FHOD3: variants seen among roughly 807,000 people sequenced by gnomAD.
FHOD3 encodes the protein FH1/FH2 domain-containing protein 3.
A neutral mutation model predicts 173.0 loss-of-function variants in FHOD3; 90 were observed. The observed-to-expected ratio is 0.52, with a 90% CI of 0.44 to 0.62. The LOEUF is 0.62. FHOD3 is among the 20% of genes least tolerant of loss of function. The pLI is 0.00. For synonymous variants in FHOD3, 828 were observed against 823.0 expected, an observed-to-expected ratio of 1.01 and a Z score of -0.10; for missense variants, 1,945 against 2,034.7, an observed-to-expected ratio of 0.96 and a Z score of 0.85.
In FHOD3 at chr18:36,681,567, T is replaced by C. The variant is rs1346043653; in HGVS notation, c.1967T>C (p.Phe656Ser). The C allele has an allele frequency of 3.7e-6, 6 of 1,612,576 alleles. No homozygotes were observed. The East Asian group carries it at 1.1e-4, about 30-fold the overall frequency. The part of the protein sequence containing the change: ...QRIEREERNK[F>S]SRDYLDKREE... The stretch of plus-strand genomic sequence containing the variant: ...ATAGAGCGGGAAGAAAGAAACAAAT[T>C]CAGGTAAGAAGGATCTTAAGATTTT... The change falls in exon 15 of 29, where the codon TTC becomes TCC. Residue 656 changes from phenylalanine (F) to serine (S), a missense_variant. Transcript: ENST00000590592.
chr18:36,620,337 C>G (rs1203935241), intron 9 of FHOD3, among the ~76,000 whole-genome samples: 1 of 152,160 alleles, frequency 6.6e-6, no homozygotes, highest in African/African-American at 2.4e-5. Flanking sequence ...TTCCTATTCT[C>G]AAGTTATCAA....
At chr18:36,727,441 G>A (rs1198679595) in intron 19 of FHOD3, among the ~76,000 whole-genome samples, 5 of 152,160 alleles carry the variant, frequency 3.3e-5, no homozygotes, top group Non-Finnish European at 7.3e-5. Flanking sequence ...TCTGGTGGAG[G>A]TTTATTTTGA....
At chr18:36,713,119 C>T (rs924773492) in intron 18 of FHOD3, among the ~76,000 whole-genome samples, 4 of 152,098 alleles carry the variant, frequency 2.6e-5, no homozygotes, top group South Asian at 2.1e-4. Context: ...GAATTACTAC[C>T]GGAGGTTCTC....
intron 3 of FHOD3, among the ~76,000 whole-genome samples, chr18:36,382,175 A>G (rs1222667981): frequency 6.6e-6 from 1 of 152,182 alleles, no homozygotes; most frequent in African/African-American, 2.4e-5. Context: ...TGTGCTTCAC[A>G]TCTTTTGGGG....
Position 36,718,275 on chromosome 18 carries a change from C to T in FHOD3, c.2977C>T (p.Gln993Ter). 1 of 1,614,116 alleles carries T rather than the reference C, an allele frequency of 6.2e-7. No individual in the cohort carries two copies. Among genetic ancestry groups the T allele is most frequent in the Non-Finnish European group, 8.5e-7 (1 of 1,180,016 alleles). Reference sequence around the variant, plus strand: ...GGCCAATCCAAGAGAGCTCAGAATCCAAGACATGGATTTCACTGACCTGGG... The same window carrying T: ...GGCCAATCCAAGAGAGCTCAGAATCTAAGACATGGATTTCACTGACCTGGG... ...LMANPRELRI[Q>*]DMDFTDLGEE... The change falls in exon 19 of 29, where the codon CAA (glutamine) becomes TAA (stop). Residue 993 changes from glutamine (Q) to a stop codon, truncating the protein, a stop_gained. Transcript: ENST00000590592. LOFTEE classifies it high-confidence loss of function.
intron 25 of FHOD3, among the ~76,000 whole-genome samples, chr18:36,758,122 C>T (rs529936530): frequency 6.6e-6 from 1 of 152,272 alleles, no homozygotes; most frequent in East Asian, 1.9e-4. Context: ...TATAAATAAA[C>T]TGTAAGAATT....
intron 3 of FHOD3, among the ~76,000 whole-genome samples, chr18:36,461,439 CTG>C (rs200220399): frequency 1.5e-4 from 22 of 147,374 alleles, no homozygotes; most frequent in African/African-American, 5.8e-4. Flanking sequence ...TGAGCTCAGT[CTG>C]TTTTTTTTTG....
intron 1 of FHOD3, among the ~76,000 whole-genome samples, chr18:36,298,335 C>A (rs1228491083): frequency 1.3e-5 from 2 of 152,150 alleles, no homozygotes; most frequent in African/African-American, 2.4e-5. Flanking sequence ...GGCTAGGACG[C>A]GGGCAGTCGG....
rs114316109 is a variant in FHOD3 at position 36,429,053 on chromosome 18, C to G, written c.337+56309C>G. On this transcript the variant is annotated intron_variant, in intron 3 of 28. Coordinates refer to ENST00000590592, the MANE Select transcript of FHOD3 (RefSeq NM_001281740.3). ...TAAAGATAGAGGTACCCTCTACTGCCTCATGAAGCTTTGGTCTAGGGAGTG... is the reference window on the plus strand; with the variant it reads ...TAAAGATAGAGGTACCCTCTACTGCGTCATGAAGCTTTGGTCTAGGGAGTG... Among the ~76,000 whole-genome samples the G allele has an allele frequency of 7.3e-3, 1,110 of 152,294 alleles. 15 individuals are homozygous for G. The highest frequency in any genetic ancestry group is 0.026 in the African/African-American group (1,069 of 41,562).
chr18:36,428,308 A>G (rs2050358249), intron 3 of FHOD3, among the ~76,000 whole-genome samples: 1 of 152,172 alleles, frequency 6.6e-6, no homozygotes, highest in African/African-American at 2.4e-5. Context: ...AGTGGTAGGT[A>G]TGTCTGTGTA....
At chr18:36,495,944 G>A (rs555786219) in intron 3 of FHOD3, among the ~76,000 whole-genome samples, 1 of 152,334 alleles carries the variant, frequency 6.6e-6, no homozygotes, top group African/African-American at 2.4e-5. Context: ...AAGAAGGGGT[G>A]ATTGGAGTTC....
intron 5 of FHOD3, among the ~76,000 whole-genome samples, chr18:36,545,973 A>C (rs1012924637): frequency 6.6e-6 from 1 of 152,262 alleles, no homozygotes; most frequent in Non-Finnish European, 1.5e-5. Flanking sequence ...TCTTTCCTAG[A>C]GAGAACCCTC....
intron 9 of FHOD3, among the ~76,000 whole-genome samples, chr18:36,624,411 A>G (rs776568965): frequency 6.6e-6 from 1 of 152,204 alleles, no homozygotes; most frequent in Non-Finnish European, 1.5e-5. Flanking sequence ...CAAAACTTGT[A>G]TTCTTTCTGC....
chr18:36,515,577 A>G (rs1216362701), intron 5 of FHOD3, among the ~76,000 whole-genome samples: 1 of 152,170 alleles, frequency 6.6e-6, no homozygotes, highest in East Asian at 1.9e-4. Context: ...GCAATTCCCG[A>G]ATGTTTAAGT....
chr18:36,697,202 A>C (rs1023106068), intron 17 of FHOD3, among the ~76,000 whole-genome samples: 4 of 152,224 alleles, frequency 2.6e-5, no homozygotes, highest in African/African-American at 9.6e-5. Context: ...TCATGGAAAC[A>C]GAATAGAGAG....
intron 6 of FHOD3, among the ~76,000 whole-genome samples, chr18:36,590,429 C>T (rs2059177777): frequency 6.6e-6 from 1 of 152,138 alleles, no homozygotes; most frequent in African/African-American, 2.4e-5. Context: ...CAAGTTGATG[C>T]AGTAATGCTA....
chr18:36,492,217 A>G (rs1295471536), intron 3 of FHOD3, among the ~76,000 whole-genome samples: 1 of 152,174 alleles, frequency 6.6e-6, no homozygotes, highest in Non-Finnish European at 1.5e-5. Flanking sequence ...CTCTTTGCAC[A>G]GCATTTCTCA....
At chr18:36,474,695 C>A (rs985695367) in intron 3 of FHOD3, among the ~76,000 whole-genome samples, 2 of 152,076 alleles carry the variant, frequency 1.3e-5, no homozygotes, top group African/African-American at 4.8e-5. Context: ...TAGGGTCTGG[C>A]TCAGTTGGTT....
intron 3 of FHOD3, among the ~76,000 whole-genome samples, chr18:36,451,067 T>G (rs1455108006): frequency 6.6e-6 from 1 of 152,200 alleles, no homozygotes; most frequent in Non-Finnish European, 1.5e-5. Flanking sequence ...ATATCACACA[T>G]TTACATTGTT....
Sources: allele counts gnomAD v4.1 joint callset (sites outside exome capture counted in the v4.1 genomes callset), GRCh38; gene constraint gnomAD v4.1.1; transcripts MANE v1.5; gene names NCBI Gene and HGNC (gene_info 2026-07-23, HGNC 2026-07-21).